ZC3H12B: variants seen among roughly 807,000 people sequenced by gnomAD.
ZC3H12B encodes probable ribonuclease ZC3H12B.
Under a neutral mutation model 43.9 loss-of-function variants are expected in ZC3H12B, and 7 were observed. That is an observed-to-expected ratio of 0.16 (90% CI 0.09 to 0.30). ZC3H12B has a LOEUF of 0.30. Among genes scored for constraint, ZC3H12B ranks in the 10% least tolerant of loss-of-function variants. The pLI, the probability that ZC3H12B is intolerant of heterozygous loss-of-function variation, is 1.00. For synonymous variants in ZC3H12B, 222 were observed against 241.7 expected, an observed-to-expected ratio of 0.92 and a Z score of 0.76; for missense variants, 475 against 670.2, an observed-to-expected ratio of 0.71 and a Z score of 3.22.
the ZC3H12B span, among the ~76,000 whole-genome samples, chrX:65,106,607 C>T: frequency 9.1e-6 from 1 of 110,384 alleles, no homozygotes; most frequent in African/African-American, 3.3e-5. Flanking sequence ...AAAACCATTT[C>T]GTATTGGTTC....
At chrX:65,382,214 G>A (rs909115545) in intron 2 of ZC3H12B, among the ~76,000 whole-genome samples, 1 of 110,265 alleles carries the variant, frequency 9.1e-6, no homozygotes, top group Non-Finnish European at 1.9e-5. Context: ...TAAAATACTG[G>A]CAAACCGAAT....
chrX:65,215,227 C>T, the ZC3H12B span, among the ~76,000 whole-genome samples: 1 of 111,422 alleles, frequency 9.0e-6, no homozygotes, highest in African/African-American at 3.3e-5. Context: ...CTGCATTAGC[C>T]CCTAACAAGA....
the ZC3H12B span, among the ~76,000 whole-genome samples, chrX:65,245,928 A>G: frequency 9.0e-6 from 1 of 111,656 alleles, no homozygotes. Flanking sequence ...ATATTTAAAA[A>G]AAAAAAAGAA....
At chrX:65,311,929 G>C in the ZC3H12B span, among the ~76,000 whole-genome samples, 9 of 111,189 alleles carry the variant, frequency 8.1e-5, no homozygotes, top group African/African-American at 3.0e-4. Flanking sequence ...TCACTCATAG[G>C]TGGGAATTGA....
the ZC3H12B span, among the ~76,000 whole-genome samples, chrX:65,199,507 G>A: frequency 7.3e-5 from 8 of 110,245 alleles, no homozygotes; most frequent in East Asian, 2.9e-4. Flanking sequence ...ATAGGTAGAC[G>A]TGTGCCATGC....
chrX:65,474,906 C>G (rs1007584009), intron 3 of ZC3H12B, among the ~76,000 whole-genome samples: 1 of 112,633 alleles, frequency 8.9e-6, no homozygotes, highest in African/African-American at 3.2e-5. Flanking sequence ...CACACCCAGC[C>G]TCTTCCTTTG....
the ZC3H12B span, among the ~76,000 whole-genome samples, chrX:65,287,194 A>G: frequency 9.0e-6 from 1 of 111,562 alleles, no homozygotes; most frequent in African/African-American, 3.3e-5. Context: ...GAACCTAACA[A>G]ACATTTACAG....
the ZC3H12B span, chrX:65,356,946 T>C: frequency 2.2e-6 from 1 of 446,792 alleles, no homozygotes; most frequent in Non-Finnish European, 4.2e-6. Context: ...CCACAGGCTG[T>C]AAAACAGAGT....
At chrX:65,358,671 C>T in the ZC3H12B span, among the ~76,000 whole-genome samples, 1 of 110,946 alleles carries the variant, frequency 9.0e-6, no homozygotes, top group African/African-American at 3.3e-5. Flanking sequence ...ATCTCTGGGG[C>T]ACATTTAAAG....
At chrX:65,228,748 CAGAG>C in the ZC3H12B span, among the ~76,000 whole-genome samples, 2 of 111,614 alleles carry the variant, frequency 1.8e-5, no homozygotes, top group Admixed American at 9.5e-5. Context: ...AACAGACAAA[CAGAG>C]AGAAAAATCA....
chrX:65,306,564 G>A, the ZC3H12B span, among the ~76,000 whole-genome samples: 501 of 110,986 alleles, frequency 4.5e-3, 2 homozygotes, highest in Non-Finnish European at 7.7e-3. Context: ...TAATAGAGAC[G>A]GGGTTGCACT....
chrX:65,476,516 T>C (rs1460621587), intron 3 of ZC3H12B, among the ~76,000 whole-genome samples: 1 of 112,031 alleles, frequency 8.9e-6, no homozygotes, highest in South Asian at 3.7e-4. Context: ...AATAGAGTTT[T>C]CAGCTTCTAC....
rs763375794 is a variant in ZC3H12B, at chrX:65,503,006, C to A, written c.2308C>A (p.Gln770Lys). ...ACGGAGCGTGCCTGAAAAGATGGAG[C>A]AGCTTTGGAGGAATCCTTGGGTTGG... Residue 770 changes from glutamine (Q) to lysine (K), a missense_variant, in exon 5 of 5, where the codon CAG becomes AAG. Physicochemically the swap from Gln to Lys is moderately conservative, Grantham distance 53. Transcript: ENST00000338957. The A allele has an allele frequency of 5.0e-6, 6 of 1,209,251 alleles. No homozygotes were observed. Among genetic ancestry groups the A allele is most frequent in the Admixed American group, 2.2e-5 (1 of 45,646 alleles).
chrX:65,085,794 G>A, the ZC3H12B span, among the ~76,000 whole-genome samples: 1 of 110,426 alleles, frequency 9.1e-6, no homozygotes, highest in Non-Finnish European at 1.9e-5. Flanking sequence ...GATTTTGAAA[G>A]AATCACATAT....
At chrX:65,414,520 G>A (rs888263743) in intron 3 of ZC3H12B, among the ~76,000 whole-genome samples, 7 of 111,213 alleles carry the variant, frequency 6.3e-5, no homozygotes, top group African/African-American at 9.8e-5. Context: ...CAAGGTGAAG[G>A]GGGAAGAAGA....
chrX:65,121,812 G>C, the ZC3H12B span, among the ~76,000 whole-genome samples: 2 of 110,591 alleles, frequency 1.8e-5, no homozygotes, highest in Non-Finnish European at 3.8e-5. Flanking sequence ...TCACTGCTTT[G>C]AATGTGTCCC....
chrX:65,258,558 C>A, the ZC3H12B span, among the ~76,000 whole-genome samples: 2 of 111,416 alleles, frequency 1.8e-5, no homozygotes, highest in African/African-American at 6.5e-5. Flanking sequence ...GTACTGGAAG[C>A]CTTAGCCACA....
chrX:65,036,383 T>G, the ZC3H12B span, among the ~76,000 whole-genome samples: 2 of 111,796 alleles, frequency 1.8e-5, no homozygotes, highest in African/African-American at 6.5e-5. Flanking sequence ...TGATAAGACG[T>G]GGCGAGAGAG....
chrX:65,252,581 G>A, the ZC3H12B span, among the ~76,000 whole-genome samples: 3 of 111,695 alleles, frequency 2.7e-5, no homozygotes, highest in Non-Finnish European at 5.6e-5. Context: ...GCAAGTGGTA[G>A]GGCTGCATAG....
Sources: gnomAD v4.1 joint callset for allele counts (sites outside exome capture counted in the v4.1 genomes callset) on GRCh38, gnomAD v4.1.1 for gene constraint, MANE v1.5 for transcripts, NCBI Gene and HGNC (gene_info 2026-07-23, HGNC 2026-07-21) for gene names.